ASB4: variants seen among roughly 807,000 people sequenced by gnomAD.
ASB4 encodes the protein ankyrin repeat and SOCS box containing 4.
Under a neutral mutation model 38.6 loss-of-function variants are expected in ASB4, and 35 were observed. That is an observed-to-expected ratio of 0.91 (90% CI 0.69 to 1.20). The LOEUF is 1.20. Ranked by LOEUF, ASB4 falls within the 50% of genes most tolerant of loss-of-function variation. The pLI is 0.00. For missense variants in ASB4, 557 were observed against 527.2 expected (o/e 1.06, Z -0.55); for synonymous variants, 195 against 201.3 (o/e 0.97, Z 0.26).
chr7:95,470,935 G>A, the ASB4 span, among the ~76,000 whole-genome samples: 1 of 152,282 alleles, frequency 6.6e-6, no homozygotes, highest in East Asian at 1.9e-4. Context: ...TGTTTACAAA[G>A]TAAGTTTAAC....
intron 1 of ASB4, among the ~76,000 whole-genome samples, chr7:95,495,473 A>T (rs956036081): frequency 1.3e-5 from 2 of 152,200 alleles, no homozygotes; most frequent in Non-Finnish European, 2.9e-5. Flanking sequence ...TGCCTTCAAG[A>T]CCTAGAAAGG....
chr7:95,535,977 A>G (rs994563592), intron 3 of ASB4, among the ~76,000 whole-genome samples: 1 of 152,230 alleles, frequency 6.6e-6, no homozygotes, highest in Non-Finnish European at 1.5e-5. Context: ...GCAGCTGGGA[A>G]TGTATTCTGT....
chr7:95,523,136 G>T (rs994401373), intron 2 of ASB4, among the ~76,000 whole-genome samples: 2 of 152,008 alleles, frequency 1.3e-5, no homozygotes, highest in Non-Finnish European at 2.9e-5. Flanking sequence ...AAATCCAGAC[G>T]AATCAAATTT....
At chr7:95,515,944 C>T (rs548641788) in intron 2 of ASB4, among the ~76,000 whole-genome samples, 1 of 152,150 alleles carries the variant, frequency 6.6e-6, no homozygotes, top group African/African-American at 2.4e-5. Context: ...TGGTACCACT[C>T]TCCTTCATGC....
upstream of ASB4, chr7:95,474,118 A>T (rs1345560052): frequency 2.0e-5 from 3 of 152,234 alleles, no homozygotes; most frequent in Non-Finnish European, 4.4e-5. Flanking sequence ...CAGACTATAG[A>T]TCACATGAAG....
At chr7:95,521,596 T>A (rs147105797) in intron 2 of ASB4, among the ~76,000 whole-genome samples, 1 of 152,094 alleles carries the variant, frequency 6.6e-6, no homozygotes, top group East Asian at 1.9e-4. Context: ...TATTTACTAT[T>A]GGGAAAAAGC....
rs112039704 is a variant in ASB4, at chr7:95,508,980, A to T, written c.487+12923A>T. 4.4e-3 allele frequency among the ~76,000 whole-genome samples: 667 copies of T among 152,320 alleles called. 3 individuals are homozygous for T. Among genetic ancestry groups the T allele is most frequent in the African/African-American group, 0.014 (582 of 41,576 alleles). ...TTTCAGATAACGACTCAGTCCAGGT[A>T]TGACTGTGGGTTGGAGTCATCAAGT... On this transcript the variant is annotated intron_variant, in intron 2 of 4. Transcript: ENST00000325885.
chr7:95,522,638 C>G (rs193218085), intron 2 of ASB4, among the ~76,000 whole-genome samples: 133 of 152,192 alleles, frequency 8.7e-4, no homozygotes, highest in African/African-American at 3.0e-3. Flanking sequence ...CTGTGTTGGT[C>G]CTCCCGTTTA....
Position 95,540,050 on chromosome 7 carries a change from C to T in ASB4, c.*2291C>T, listed in dbSNP as rs1790948943. 6.6e-6 allele frequency: 1 copy of T among 152,016 alleles called. No individual in the cohort carries two copies. Among genetic ancestry groups the T allele is most frequent in the African/African-American group, 2.4e-5 (1 of 41,318 alleles). 9.4% of individuals were successfully genotyped at this position (152,016 alleles called of 1,614,324 possible). A position where few individuals can be genotyped will look rare whatever the true frequency, so the allele number is the denominator to read the frequency against. On this transcript the variant is annotated 3_prime_UTR_variant, in exon 5 of 5. Coordinates refer to ENST00000325885, the MANE Select transcript of ASB4 (RefSeq NM_016116.3). ...GCTGAGGACAAAGGGAGAAGATGTT[C>T]CTCGCCCAGGGAAATGAAAACTTTT...
At chr7:95,492,931 G>T (rs1790192107) in intron 1 of ASB4, among the ~76,000 whole-genome samples, 1 of 152,118 alleles carries the variant, frequency 6.6e-6, no homozygotes, top group African/African-American at 2.4e-5. Flanking sequence ...ACTCTGCTCG[G>T]AACAGAGATT....
chr7:95,510,915 T>C (rs1285610870), intron 2 of ASB4, among the ~76,000 whole-genome samples: 2 of 152,244 alleles, frequency 1.3e-5, no homozygotes, highest in Admixed American at 1.3e-4. Flanking sequence ...ATTTGTTTCT[T>C]ACTTAGGGGA....
In ASB4 at chr7:95,495,617, T is replaced by G; in HGVS notation, c.188-141T>G. 3 of 783,176 alleles carry G rather than the reference T, an allele frequency of 3.8e-6. No homozygotes were observed. In the South Asian group the frequency reaches 5.7e-5, roughly 15 times the overall value. The allele number at this position is 783,176 out of a possible 1,614,324, so 48.5% of individuals were successfully genotyped here. On this transcript the variant is annotated intron_variant, in intron 1 of 4. Transcript: ENST00000325885. Reference sequence around the variant, plus strand: ...GCTTGCAGACCCATTAGCTATTAGTTTAAAACCTCTGTCATCCCCTCTCCA... The same window carrying G: ...GCTTGCAGACCCATTAGCTATTAGTGTAAAACCTCTGTCATCCCCTCTCCA...
At chr7:95,534,084 C>G (rs1261573468) in intron 3 of ASB4, among the ~76,000 whole-genome samples, 1 of 147,960 alleles carries the variant, frequency 6.8e-6, no homozygotes, top group African/African-American at 2.5e-5. Flanking sequence ...GTGGCTTACA[C>G]CTGTAATCCC....
chr7:95,503,196 AT>A (rs1304451377), intron 2 of ASB4, among the ~76,000 whole-genome samples: 4 of 152,176 alleles, frequency 2.6e-5, no homozygotes, highest in Non-Finnish European at 4.4e-5. Flanking sequence ...TGCTAGAATA[AT>A]TTTTTTTAAA....
At chr7:95,495,093 C>G (rs1201875198) in intron 1 of ASB4, among the ~76,000 whole-genome samples, 1 of 152,010 alleles carries the variant, frequency 6.6e-6, no homozygotes, top group East Asian at 1.9e-4. Flanking sequence ...TTTTTATTTT[C>G]CTACTTTTTT....
intron 2 of ASB4, among the ~76,000 whole-genome samples, chr7:95,518,493 C>A (rs1209402508): frequency 6.6e-6 from 1 of 152,226 alleles, no homozygotes; most frequent in South Asian, 2.1e-4. Flanking sequence ...TGAGAAATAA[C>A]CTTCTGTTGC....
At chr7:95,541,243 C>T (rs986021279), downstream of ASB4, among the ~76,000 whole-genome samples, 4 of 152,144 alleles carry the variant, frequency 2.6e-5, no homozygotes, top group South Asian at 2.1e-4. Context: ...AGAATAGTCA[C>T]GGTGCCTACT....
At chr7:95,471,057 C>T in the ASB4 span, among the ~76,000 whole-genome samples, 1 of 152,044 alleles carries the variant, frequency 6.6e-6, no homozygotes, top group Admixed American at 6.6e-5. Flanking sequence ...ATATTGATTT[C>T]GTTCTTGTTT....
chr7:95,471,657 A>G, the ASB4 span, among the ~76,000 whole-genome samples: 5 of 152,032 alleles, frequency 3.3e-5, no homozygotes, highest in Non-Finnish European at 5.9e-5. Context: ...TCCTAGCTTA[A>G]TGCCCTCTTT....
Sources: gnomAD v4.1 joint callset for allele counts (sites outside exome capture counted in the v4.1 genomes callset) on GRCh38, gnomAD v4.1.1 for gene constraint, MANE v1.5 for transcripts, NCBI Gene and HGNC (gene_info 2026-07-23, HGNC 2026-07-21) for gene names.